EYA2: variants seen among roughly 807,000 people sequenced by gnomAD.
EYA2 encodes the protein protein phosphatase EYA2.
EYA2 carries 31 observed loss-of-function variants against 69.2 expected under a neutral mutation model. That is an observed-to-expected ratio of 0.45 (90% CI 0.34 to 0.60). The LOEUF is 0.60. Among genes scored for constraint, EYA2 ranks in the 20% least tolerant of loss-of-function variants. The pLI, the probability that EYA2 is intolerant of heterozygous loss-of-function variation, is 0.02. For synonymous variants in EYA2, 257 were observed against 279.4 expected (o/e 0.92, Z 0.80); for missense variants, 622 against 701.2 (o/e 0.89, Z 1.28).
chr20:47,146,014 G>C (rs1281386234), intron 10 of EYA2, among the ~76,000 whole-genome samples: 1 of 152,210 alleles, frequency 6.6e-6, no homozygotes, highest in African/African-American at 2.4e-5. Flanking sequence ...GTGGTAGGAA[G>C]ACGTGGACTT....
At chr20:46,937,203 A>G (rs958642806) in intron 1 of EYA2, among the ~76,000 whole-genome samples, 3 of 152,238 alleles carry the variant, frequency 2.0e-5, no homozygotes, top group Non-Finnish European at 2.9e-5. Context: ...ACTCATGTAC[A>G]TGAATCTATG....
At chr20:47,020,076 A>C (rs1351929114) in intron 5 of EYA2, among the ~76,000 whole-genome samples, 1 of 151,982 alleles carries the variant, frequency 6.6e-6, no homozygotes, top group Non-Finnish European at 1.5e-5. Context: ...TCAAGGTTGC[A>C]GTGAGCTATG....
At chr20:47,113,590 C>G (rs186703106) in intron 9 of EYA2, among the ~76,000 whole-genome samples, 20 of 152,194 alleles carry the variant, frequency 1.3e-4, no homozygotes, top group Non-Finnish European at 2.8e-4. Flanking sequence ...CATCCACACT[C>G]GGGGCTGTCT....
chr20:47,059,096 G>A (rs1486454867), intron 5 of EYA2, among the ~76,000 whole-genome samples: 5 of 152,152 alleles, frequency 3.3e-5, no homozygotes, highest in Non-Finnish European at 7.4e-5. Flanking sequence ...AACAGGAGGG[G>A]TCTTGGGTGG....
intron 5 of EYA2, among the ~76,000 whole-genome samples, chr20:47,042,885 G>C (rs1407041535): frequency 6.6e-6 from 1 of 152,194 alleles, no homozygotes; most frequent in African/African-American, 2.4e-5. Context: ...TTGCTTTAAT[G>C]GCTGGATTTG....
At chr20:46,972,286 GA>G (rs1162330285) in intron 1 of EYA2, among the ~76,000 whole-genome samples, 2 of 152,184 alleles carry the variant, frequency 1.3e-5, no homozygotes, top group Non-Finnish European at 2.9e-5. Context: ...TAGAGGGTGG[GA>G]AGGGTTTTGG....
chr20:46,945,502 C>T (rs917238341), intron 1 of EYA2, among the ~76,000 whole-genome samples: 16 of 152,226 alleles, frequency 1.1e-4, no homozygotes, highest in African/African-American at 3.9e-4. Flanking sequence ...CACAGTTGCG[C>T]TGCTTAGTGT....
chr20:47,142,211 C>G (rs1434175087), intron 9 of EYA2, among the ~76,000 whole-genome samples: 1 of 152,188 alleles, frequency 6.6e-6, no homozygotes, highest in Admixed American at 6.5e-5. Context: ...AGCAGCAGGC[C>G]AGGTATGGCG....
chr20:47,079,802 A>G (rs1193236583), intron 7 of EYA2, among the ~76,000 whole-genome samples: 1 of 152,254 alleles, frequency 6.6e-6, no homozygotes, highest in Admixed American at 6.5e-5. Flanking sequence ...GGTTAAAAAA[A>G]AAAAGCAGGA....
In EYA2 at chr20:47,032,678, G is replaced by T. The variant is rs573415509; in HGVS notation, c.415+16381G>T. On this transcript the variant is annotated intron_variant, in intron 5 of 15. Transcript: ENST00000327619. ...CTGCAGTACTGCATCGAGAAAGCCAGATGCTGGGGTTGAATCTCCGCCTCT... is the reference window on the plus strand; with the variant it reads ...CTGCAGTACTGCATCGAGAAAGCCATATGCTGGGGTTGAATCTCCGCCTCT... Among the ~76,000 whole-genome samples, 179 of 152,292 alleles carry T rather than the reference G, an allele frequency of 1.2e-3. 1 individual carries two copies. The highest frequency in any genetic ancestry group is 4.2e-3 in the African/African-American group (174 of 41,568).
intron 5 of EYA2, among the ~76,000 whole-genome samples, chr20:47,018,978 C>T (rs963824139): frequency 7.9e-5 from 12 of 152,192 alleles, no homozygotes; most frequent in African/African-American, 2.7e-4. Context: ...CCAGTAGCCC[C>T]GTGACATGAG....
chr20:47,072,024 TG>T, intron 5 of EYA2, 160 bp from the exon 6 acceptor site: 1 of 684,532 alleles, frequency 1.5e-6, no homozygotes, highest in Admixed American at 2.3e-5. Context: ...TGGGTTGCTT[TG>T]GGAACGCTGG....
In EYA2 at chr20:47,016,400, G is replaced by T. The variant is rs1983415612; in HGVS notation, c.415+103G>T. On this transcript the variant is annotated intron_variant, in intron 5 of 15. Transcript: ENST00000327619. ...AGCAGATTTTTTGAGCACCTACTAT[G>T]TGCCAGGCTCTATCTCGAGGAGTGG... The T allele has an allele frequency of 3.5e-6, 3 of 849,136 alleles. No homozygotes were observed. In the Admixed American group the frequency reaches 5.3e-5, roughly 15 times the overall value. The allele number at this position is 849,136 out of a possible 1,614,324, so 52.6% of individuals were successfully genotyped here. A position where few individuals can be genotyped will look rare whatever the true frequency, so the allele number is the denominator to read the frequency against.
intron 9 of EYA2, among the ~76,000 whole-genome samples, chr20:47,134,849 C>T (rs1485042611): frequency 6.6e-6 from 1 of 152,100 alleles, no homozygotes; most frequent in Admixed American, 6.6e-5. Flanking sequence ...GACAACGGGC[C>T]GGGTGCAGTG....
At chr20:47,141,571 A>T (rs769699793) in intron 9 of EYA2, among the ~76,000 whole-genome samples, 7 of 151,388 alleles carry the variant, frequency 4.6e-5, no homozygotes, top group Non-Finnish European at 8.8e-5. Context: ...CCAAAATCTC[A>T]TCTACTTCTC....
At chr20:47,075,108 T>C (rs111639583) in intron 7 of EYA2, among the ~76,000 whole-genome samples, 18,332 of 152,240 alleles carry the variant, frequency 0.12, 1,399 homozygotes, top group Non-Finnish European at 0.16. Flanking sequence ...TGAAACTCCA[T>C]CTCAAAAAAT....
chr20:47,034,029 T>C (rs1389040842), intron 5 of EYA2, among the ~76,000 whole-genome samples: 1 of 152,212 alleles, frequency 6.6e-6, no homozygotes, highest in African/African-American at 2.4e-5. Context: ...GATTCAGTGA[T>C]AAAGGGAGGA....
chr20:46,978,741 T>G, intron 1 of EYA2: 1 of 530,146 alleles, frequency 1.9e-6, no homozygotes, highest in Non-Finnish European at 3.9e-6. Flanking sequence ...GCTGCCGTGG[T>G]CTTCCTGGGC....
At chr20:47,152,151 A>G (rs1568811131) in intron 10 of EYA2, among the ~76,000 whole-genome samples, 2 of 151,826 alleles carry the variant, frequency 1.3e-5, no homozygotes, top group African/African-American at 4.8e-5. Flanking sequence ...ACAGACCTCA[A>G]TTTCCATTTA....
Sources: gnomAD v4.1 joint callset for allele counts (sites outside exome capture counted in the v4.1 genomes callset) on GRCh38, gnomAD v4.1.1 for gene constraint, MANE v1.5 for transcripts, NCBI Gene and HGNC (gene_info 2026-07-23, HGNC 2026-07-21) for gene names.